IDE: variants seen among roughly 807,000 people sequenced by gnomAD.
IDE encodes insulin degrading enzyme.
Under a neutral mutation model 133.2 loss-of-function variants are expected in IDE, and 58 were observed. That is an observed-to-expected ratio of 0.44 (90% CI 0.35 to 0.54). The LOEUF (loss-of-function observed/expected upper bound fraction) is 0.54. Among genes scored for constraint, IDE ranks in the 20% least tolerant of loss-of-function variants. The pLI, the probability that IDE is intolerant of heterozygous loss-of-function variation, is 0.00. For synonymous variants in IDE, 396 were observed against 421.3 expected, an observed-to-expected ratio of 0.94 and a Z score of 0.73; for missense variants, 981 against 1,234.0, an observed-to-expected ratio of 0.79 and a Z score of 3.07.
At chr10:92,542,416 A>G (rs1292090080) in intron 1 of IDE, among the ~76,000 whole-genome samples, 1 of 152,168 alleles carries the variant, frequency 6.6e-6, no homozygotes, top group Non-Finnish European at 1.5e-5. Context: ...TGGCCTCCCA[A>G]AGTTCTGGGA....
intron 1 of IDE, among the ~76,000 whole-genome samples, chr10:92,561,128 C>T (rs780404438): frequency 6.6e-5 from 10 of 151,706 alleles, no homozygotes; most frequent in South Asian, 4.2e-4. Context: ...CGGTGGTGGG[C>T]GCCTGTAATC....
In IDE at chr10:92,571,439, T is replaced by C. The variant is rs111944193; in HGVS notation, c.98+2483A>G. 3.2e-3 allele frequency among the ~76,000 whole-genome samples: 480 copies of C among 152,318 alleles called. 1 individual carries two copies. The highest frequency in any genetic ancestry group is 5.8e-3 in the Non-Finnish European group (394 of 68,026). ...TGACAGTAGTTTAAAAGCTTGAATG[T>C]TGATAGTCCCAACTGACATACCACT... is the stretch of plus-strand genomic sequence containing the variant. On this transcript the variant is annotated intron_variant, in intron 1 of 24. Transcript: ENST00000265986.
At chr10:92,572,409 C>A (rs1402990428) in intron 1 of IDE, among the ~76,000 whole-genome samples, 1 of 152,142 alleles carries the variant, frequency 6.6e-6, no homozygotes, top group Non-Finnish European at 1.5e-5. Context: ...AGAACAAGTT[C>A]CATAGAGTCT....
intron 1 of IDE, among the ~76,000 whole-genome samples, chr10:92,553,620 GA>G (rs1564674987): frequency 6.6e-6 from 1 of 151,634 alleles, no homozygotes; most frequent in Non-Finnish European, 1.5e-5. Flanking sequence ...AAAAAAGAGA[GA>G]CAACACAAAA....
At chr10:92,505,390 T>C (rs1391192516) in intron 10 of IDE, among the ~76,000 whole-genome samples, 1 of 150,842 alleles carries the variant, frequency 6.6e-6, no homozygotes, top group African/African-American at 2.4e-5. Context: ...AGAAAAACAA[T>C]GCAGAAGATG....
chr10:92,492,264 A>C (rs1309144840), intron 11 of IDE, among the ~76,000 whole-genome samples: 1 of 152,040 alleles, frequency 6.6e-6, no homozygotes, highest in Non-Finnish European at 1.5e-5. Flanking sequence ...TGTCTCAAAA[A>C]AAAAAAGAAA....
chr10:92,500,271 T>C (rs1847933485), intron 11 of IDE, among the ~76,000 whole-genome samples: 1 of 149,898 alleles, frequency 6.7e-6, no homozygotes, highest in Non-Finnish European at 1.5e-5. Flanking sequence ...CATTCCAGCC[T>C]GGGCAACAAG....
chr10:92,546,021 T>C (rs1306733641), intron 1 of IDE, among the ~76,000 whole-genome samples: 1 of 152,018 alleles, frequency 6.6e-6, no homozygotes, highest in African/African-American at 2.4e-5. Flanking sequence ...CAATCAACAG[T>C]GAAATGATAA....
intron 2 of IDE, among the ~76,000 whole-genome samples, chr10:92,535,983 C>T (rs1037230637): frequency 2.6e-5 from 4 of 151,224 alleles, no homozygotes; most frequent in Admixed American, 1.3e-4. Flanking sequence ...CTGCAGTGAG[C>T]GGAGATTGCG....
intron 14 of IDE, chr10:92,479,818 A>C (rs910244502): frequency 1.3e-5 from 2 of 156,274 alleles, no homozygotes; most frequent in Admixed American, 6.5e-5. Flanking sequence ...CAGCATTTGC[A>C]TGTCTTCCCT....
chr10:92,521,001 G>A (rs775251948), intron 4 of IDE, among the ~76,000 whole-genome samples: 1 of 152,122 alleles, frequency 6.6e-6, no homozygotes, highest in African/African-American at 2.4e-5. Context: ...TCACCCTGAA[G>A]GATGCTGACG....
chr10:92,514,280 AT>A (rs1848787137), intron 5 of IDE, among the ~76,000 whole-genome samples: 1 of 152,196 alleles, frequency 6.6e-6, no homozygotes, highest in Non-Finnish European at 1.5e-5. Flanking sequence ...AACTGTGATA[AT>A]TTAACAGCAG....
At chr10:92,475,282 C>T (rs532229491) in intron 16 of IDE, among the ~76,000 whole-genome samples, 38 of 152,106 alleles carry the variant, frequency 2.5e-4, no homozygotes, top group Non-Finnish European at 4.7e-4. Flanking sequence ...TTAGGTTCTA[C>T]GCTATAAAGC....
intron 4 of IDE, among the ~76,000 whole-genome samples, chr10:92,519,195 A>T (rs927188111): frequency 5.3e-5 from 8 of 152,214 alleles, no homozygotes; most frequent in African/African-American, 1.9e-4. Context: ...CCAGAGAAAA[A>T]AATAGAAATT....
chr10:92,458,490 G>GTTTTTTTT lies in IDE; in HGVS notation c.2824-2067_2824-2060dup, dbSNP rs71028821. Among the ~76,000 whole-genome samples, 23 of 83,884 alleles carry GTTTTTTTT rather than the reference G, an allele frequency of 2.7e-4. 3 individuals carry two copies. Among genetic ancestry groups the GTTTTTTTT allele is most frequent in the Non-Finnish European group, 4.0e-4 (18 of 44,920 alleles). 55.0% of individuals were successfully genotyped at this position (83,884 alleles called of 152,430 possible). ...AGGCCTGGTTATAAATACTCTCTCTGTTTTTTTTTTTTTTTTTTTTTTTTT... is the reference window on the plus strand; with the variant it reads ...AGGCCTGGTTATAAATACTCTCTCTGTTTTTTTTTTTTTTTTTTTTTTTTTTTTTTTTT... On this transcript the variant is annotated intron_variant, in intron 22 of 24. Transcript: ENST00000265986.
At chr10:92,557,612 GGAT>G (rs1843072921) in intron 1 of IDE, among the ~76,000 whole-genome samples, 1 of 151,190 alleles carries the variant, frequency 6.6e-6, no homozygotes, top group African/African-American at 2.4e-5. Flanking sequence ...TTTTTGAAAA[GGAT>G]GATGGCCGGG....
intron 11 of IDE, among the ~76,000 whole-genome samples, chr10:92,493,417 G>T (rs1242395015): frequency 1.4e-5 from 2 of 147,340 alleles, no homozygotes; most frequent in Non-Finnish European, 1.5e-5. Flanking sequence ...TTAGAGACAG[G>T]GTCTCACTCT....
intron 4 of IDE, among the ~76,000 whole-genome samples, chr10:92,516,604 C>CT (rs1848944135): frequency 6.6e-6 from 1 of 152,192 alleles, no homozygotes; most frequent in African/African-American, 2.4e-5. Context: ...TCCATTCATG[C>CT]TTATTTTAAT....
At chr10:92,471,883 G>C (rs1845986517) in intron 17 of IDE, among the ~76,000 whole-genome samples, 1 of 152,054 alleles carries the variant, frequency 6.6e-6, no homozygotes, top group Non-Finnish European at 1.5e-5. Context: ...ATTTTTTGTA[G>C]AGATGGGGTT....
Sources: gnomAD v4.1 joint callset for allele counts (sites outside exome capture counted in the v4.1 genomes callset) on GRCh38, gnomAD v4.1.1 for gene constraint, MANE v1.5 for transcripts, NCBI Gene and HGNC (gene_info 2026-07-23, HGNC 2026-07-21) for gene names.